The following ELFN2 variants were observed in gnomAD, a reference collection of about 807,000 sequenced individuals.
ELFN2 encodes protein phosphatase 1 regulatory subunit 29.
Under a neutral mutation model 45.5 loss-of-function variants are expected in ELFN2, and 17 were observed. The observed-to-expected ratio is 0.37, with a 90% CI of 0.26 to 0.56. The LOEUF (loss-of-function observed/expected upper bound fraction) is 0.56, where lower values mean the gene tolerates loss of function less well. Among genes scored for constraint, ELFN2 ranks in the 20% least tolerant of loss-of-function variants. ELFN2 has a pLI of 0.77. For synonymous variants in ELFN2, 550 were observed against 551.5 expected (o/e 1.00, Z 0.04); for missense variants, 922 against 1,183.2 (o/e 0.78, Z 3.24).
chr22:37,382,560 TTTAA>T (rs1569135102), intron 2 of ELFN2, among the ~76,000 whole-genome samples: 5 of 58,058 alleles, frequency 8.6e-5, no homozygotes, highest in Admixed American at 2.2e-4. Flanking sequence ...TTTTTTTTTT[TTTAA>T]AAACAGACTC....
chr22:37,346,078 G>A (rs538560525), intron 1 of ELFN2, among the ~76,000 whole-genome samples: 23 of 152,330 alleles, frequency 1.5e-4, no homozygotes, highest in Non-Finnish European at 1.9e-4. Context: ...TCATTAGGAC[G>A]GGATGATAAC....
At chr22:37,389,261 G>A (rs963099591) in intron 2 of ELFN2, among the ~76,000 whole-genome samples, 1 of 152,022 alleles carries the variant, frequency 6.6e-6, no homozygotes, top group Non-Finnish European at 1.5e-5. Context: ...GCCCACAATG[G>A]CTCCCACTGG....
rs777867053 is a variant in ELFN2 at position 37,373,821 on chromosome 22, G to A, written c.1714C>T (p.Pro572Ser). 3 of 1,612,734 alleles carry A rather than the reference G, an allele frequency of 1.9e-6. No individual in the cohort carries two copies. The highest frequency in any genetic ancestry group is 2.2e-5 in the South Asian group (2 of 91,038). ...GACTGGCACTCGAAGGCCAGCTCGG[G>A]GTCCCCACTGCTGCTGCCGCCTCCC... ...FLGGGSSSGDPELAFECQSLP... is the reference protein window; with the variant it reads ...FLGGGSSSGDSELAFECQSLP... Residue 572 changes from proline to serine, a missense_variant, in exon 3 of 3, where the codon CCC becomes TCC. Transcript: ENST00000402918.
At chr22:37,397,950 G>C (rs1306711762) in intron 2 of ELFN2, among the ~76,000 whole-genome samples, 1 of 152,164 alleles carries the variant, frequency 6.6e-6, no homozygotes, top group Non-Finnish European at 1.5e-5. Context: ...TTCTCTGAGC[G>C]GACGTCTGCA....
At chr22:37,365,282 G>C (rs1014685753), downstream of ELFN2, among the ~76,000 whole-genome samples, 1 of 152,338 alleles carries the variant, frequency 6.6e-6, no homozygotes, top group Non-Finnish European at 1.5e-5. Flanking sequence ...TGTTGAGGCA[G>C]GGGGAGCTTG....
At chr22:37,410,658 G>A (rs568987028) in intron 2 of ELFN2, among the ~76,000 whole-genome samples, 6 of 152,290 alleles carry the variant, frequency 3.9e-5, no homozygotes, top group Admixed American at 1.3e-4. Context: ...AACCGCAGGC[G>A]TGGATACTGC....
Position 37,372,760 on chromosome 22 carries a change from C to G in ELFN2, c.*312G>C, listed in dbSNP as rs1029985473. 32 of 243,282 alleles carry G rather than the reference C, an allele frequency of 1.3e-4. No homozygotes were observed. The highest frequency in any genetic ancestry group is 6.7e-4 in the African/African-American group (30 of 44,484). 15.1% of individuals were successfully genotyped at this position (243,282 alleles called of 1,614,324 possible). ...CCTCTCTTGGCTTCCTTCCTCCCCC[C>G]GCCAGCCCCCCGGCCCTGCACACCC... is the stretch of plus-strand genomic sequence containing the variant. On this transcript the variant is annotated 3_prime_UTR_variant, in exon 3 of 3. Transcript: ENST00000402918. The surrounding 1 kb of genome is among the most constrained non-coding windows in gnomAD (Gnocchi z 4.4).
chr22:37,420,936 C>CA (rs1266551675), intron 1 of ELFN2, among the ~76,000 whole-genome samples: 1 of 152,138 alleles, frequency 6.6e-6, no homozygotes, highest in Non-Finnish European at 1.5e-5. Context: ...CCCCGGGGAA[C>CA]ATGCAGCTGC....
chr22:37,403,623 G>A (rs561426864), intron 2 of ELFN2, among the ~76,000 whole-genome samples: 37 of 152,242 alleles, frequency 2.4e-4, no homozygotes, highest in Admixed American at 2.0e-3. Flanking sequence ...GCTGACATTC[G>A]CCCCAAATTC....
In ELFN2 at chr22:37,374,758, C is replaced by T. The variant is rs767772922; in HGVS notation, c.777G>A (p.Thr259=). The change falls in exon 3 of 3, where the codon ACG becomes ACA. Residue 259 remains threonine (T), a synonymous_variant. Transcript: ENST00000402918. ...CCCTCTGGGCGTCGGTGGAGTAGGG[C>T]GTGGGGTGGCTCACGGGCCGGGCGG... ...SLPARPVSHP[T]PYSTDAQREP... 20 of 1,609,978 alleles carry T rather than the reference C, an allele frequency of 1.2e-5. No homozygotes were observed. The highest frequency in any genetic ancestry group is 5.5e-5 in the South Asian group (5 of 91,040).
intron 1 of ELFN2, among the ~76,000 whole-genome samples, chr22:37,425,968 G>A (rs924006055): frequency 2.6e-5 from 4 of 151,592 alleles, no homozygotes; most frequent in Non-Finnish European, 4.4e-5. Flanking sequence ...GGCAGTCCGC[G>A]CCCCACAGCT....
At chr22:37,392,536 T>C (rs1427435973) in intron 2 of ELFN2, among the ~76,000 whole-genome samples, 1 of 152,148 alleles carries the variant, frequency 6.6e-6, no homozygotes, top group Non-Finnish European at 1.5e-5. Flanking sequence ...GCCAGGATGG[T>C]CTCGATCTCC....
intron 1 of ELFN2, among the ~76,000 whole-genome samples, chr22:37,424,098 C>T (rs891977494): frequency 6.6e-6 from 1 of 152,192 alleles, no homozygotes; most frequent in Non-Finnish European, 1.5e-5. Flanking sequence ...CATGTCACAA[C>T]ATGGGGCAGG....
chr22:37,424,779 C>T (rs1450511003), intron 1 of ELFN2, among the ~76,000 whole-genome samples: 1 of 152,136 alleles, frequency 6.6e-6, no homozygotes, highest in Non-Finnish European at 1.5e-5. Context: ...GCTAACTCAC[C>T]CACCTCAAAG....
chr22:37,396,076 C>G (rs78956866), intron 2 of ELFN2, among the ~76,000 whole-genome samples: 7 of 152,324 alleles, frequency 4.6e-5, no homozygotes, highest in Admixed American at 1.3e-4. Context: ...ATTCCACATC[C>G]GATGAGCACC....
intron 1 of ELFN2, among the ~76,000 whole-genome samples, chr22:37,356,483 G>A (rs377676773): frequency 1.3e-5 from 2 of 152,170 alleles, no homozygotes; most frequent in African/African-American, 4.8e-5. Flanking sequence ...GGGCACCTTG[G>A]GGGGAGTCTT....
chr22:37,366,562 A>G (rs1365313302), downstream of ELFN2, among the ~76,000 whole-genome samples: 13 of 152,260 alleles, frequency 8.5e-5, no homozygotes, highest in Non-Finnish European at 8.8e-5. Flanking sequence ...TGCGACAGGC[A>G]GGCAGCTGAG....
chr22:37,370,849 T>C lies in ELFN2; in HGVS notation c.*2223A>G, dbSNP rs559562795. ...GACAAACTGGCACATACACGACAGA[T>C]GTTTGCTCAGAAAAATACAGTAAAA... is the stretch of plus-strand genomic sequence containing the variant. On this transcript the variant is annotated 3_prime_UTR_variant, in exon 3 of 3. Coordinates refer to ENST00000402918, the MANE Select transcript of ELFN2 (RefSeq NM_052906.5). The C allele has an allele frequency of 6.6e-6, 1 of 152,210 alleles. No individual in the cohort carries two copies. Among genetic ancestry groups the C allele is most frequent in the South Asian group, 2.1e-4 (1 of 4,794 alleles). The allele number at this position is 152,210 out of a possible 1,614,324, so 9.4% of individuals were successfully genotyped here. A position where few individuals can be genotyped will look rare whatever the true frequency, so the allele number is the denominator to read the frequency against.
Position 37,360,319 on chromosome 22 carries a change from G to A in ELFN2, n.149-17616C>T, listed in dbSNP as rs1027121397. On this transcript the variant is annotated intron_variant and non_coding_transcript_variant, in intron 1 of 2. Coordinates refer to ENST00000452946, the Ensembl canonical transcript of ELFN2. ...GAGTGGGCAGCCAGCCCTTGCCTGC[G>A]TTAATCAGCATTTGTTGGGCCTCAG... is the stretch of plus-strand genomic sequence containing the variant. 7.9e-5 allele frequency among the ~76,000 whole-genome samples: 12 copies of A among 152,314 alleles called. No individual in the cohort carries two copies. The East Asian group carries it at 1.2e-3, about 15-fold the overall frequency.
Sources: gnomAD v4.1 joint callset for allele counts (sites outside exome capture counted in the v4.1 genomes callset) on GRCh38, gnomAD v4.1.1 for gene constraint, Gnocchi (gnomAD v3.1) non-coding constraint, MANE v1.5 for transcripts, NCBI Gene and HGNC (gene_info 2026-07-23, HGNC 2026-07-21) for gene names.